The following PTK2B variants were observed in gnomAD, a reference collection of about 807,000 sequenced individuals.
PTK2B encodes the protein protein-tyrosine kinase 2-beta.
Under a neutral mutation model 142.9 loss-of-function variants are expected in PTK2B, and 71 were observed. The observed-to-expected ratio is 0.50, with a 90% CI of 0.41 to 0.61. The LOEUF (loss-of-function observed/expected upper bound fraction) is 0.61, where lower values mean the gene tolerates loss of function less well. PTK2B is among the 20% of genes least tolerant of loss of function. PTK2B has a pLI of 0.00. For missense variants in PTK2B, 1,105 were observed against 1,320.4 expected (o/e 0.84, Z 2.53); for synonymous variants, 519 against 503.4 (o/e 1.03, Z -0.42).
intron 2 of PTK2B, among the ~76,000 whole-genome samples, chr8:27,417,447 A>AGG (rs150952048): frequency 0.052 from 7,839 of 151,812 alleles, 245 homozygotes; most frequent in Middle Eastern, 0.099. Context: ...TGGGGCCATG[A>AGG]GGGTGGACTG....
intron 1 of PTK2B, among the ~76,000 whole-genome samples, chr8:27,392,678 C>A (rs201161661): frequency 1.3e-5 from 2 of 152,158 alleles, no homozygotes; most frequent in East Asian, 3.8e-4. Context: ...TATGTTCTCT[C>A]AAGAACCTGA....
intron 2 of PTK2B, among the ~76,000 whole-genome samples, chr8:27,398,342 A>G (rs1254617204): frequency 1.3e-5 from 2 of 152,162 alleles, no homozygotes; most frequent in African/African-American, 4.8e-5. Flanking sequence ...CAGAATCACA[A>G]CATCTGTTTT....
chr8:27,314,070 G>T (rs1803040903), intron 3 of PTK2B, among the ~76,000 whole-genome samples: 1 of 152,200 alleles, frequency 6.6e-6, no homozygotes, highest in African/African-American at 2.4e-5. Context: ...TACCTGGAAG[G>T]AAGAAATGCA....
chr8:27,334,215 G>A (rs1015788580), intron 1 of PTK2B, among the ~76,000 whole-genome samples: 4 of 151,804 alleles, frequency 2.6e-5, no homozygotes, highest in African/African-American at 9.7e-5. Context: ...CAAGAGCTTC[G>A]TCCTATCTCT....
chr8:27,325,354 CGGGGGAAT>C (rs1055640902), upstream of PTK2B: 3 of 152,170 alleles, frequency 2.0e-5, no homozygotes, highest in Non-Finnish European at 4.4e-5. Flanking sequence ...CATTTGCGGC[CGGGGGAAT>C]GGCAGAGATC....
intron 2 of PTK2B, among the ~76,000 whole-genome samples, chr8:27,403,709 G>T (rs1291910190): frequency 6.6e-6 from 1 of 152,070 alleles, no homozygotes; most frequent in African/African-American, 2.4e-5. Flanking sequence ...TGGCAGAGTG[G>T]CACCCAGACG....
At position 27,344,403 on chromosome 8, in the gene PTK2B, C is replaced by T. The variant is rs373790453; in HGVS notation, c.-38+18722C>T. Among the ~76,000 whole-genome samples the T allele has an allele frequency of 3.3e-5, 5 of 152,342 alleles. No individual in the cohort carries two copies. In the South Asian group the frequency reaches 6.2e-4, roughly 19 times the overall value. Reference sequence around the variant, plus strand: ...ATGTGACCTCAGCACCTTCTGACCCCTCCCATCCTCAGCTTTCCTGCATGC... The same window carrying T: ...ATGTGACCTCAGCACCTTCTGACCCTTCCCATCCTCAGCTTTCCTGCATGC... On this transcript the variant is annotated intron_variant, in intron 1 of 30. Coordinates refer to ENST00000346049, the MANE Select transcript of PTK2B (RefSeq NM_173176.3).
chr8:27,419,783 A>C (rs1457757917), intron 2 of PTK2B, 112 bp from the exon 3 acceptor site: 4 of 1,139,646 alleles, frequency 3.5e-6, no homozygotes, highest in Non-Finnish European at 5.0e-6. Flanking sequence ...GACAAATCGA[A>C]CATGAAGACA....
At chr8:27,395,676 C>T (rs1422241787) in intron 1 of PTK2B, among the ~76,000 whole-genome samples, 2 of 152,152 alleles carry the variant, frequency 1.3e-5, no homozygotes, top group East Asian at 3.9e-4. Context: ...ATAAATACCC[C>T]AGATCCCTCC....
chr8:27,338,753 G>A (rs1181768923), intron 1 of PTK2B, among the ~76,000 whole-genome samples: 1 of 152,214 alleles, frequency 6.6e-6, no homozygotes, highest in Middle Eastern at 3.2e-3. Flanking sequence ...GAAAGATTCT[G>A]TAAGGGCTTG....
chr8:27,339,507 A>G (rs1476010273), intron 1 of PTK2B, among the ~76,000 whole-genome samples: 2 of 152,150 alleles, frequency 1.3e-5, no homozygotes, highest in Non-Finnish European at 2.9e-5. Context: ...AGTTTGGGGT[A>G]AGAGAGAGAA....
intron 1 of PTK2B, among the ~76,000 whole-genome samples, chr8:27,334,625 G>C (rs181489560): frequency 1.3e-5 from 2 of 152,192 alleles, no homozygotes; most frequent in Admixed American, 1.3e-4. Context: ...TCCTTATACC[G>C]TCAAATTCCA....
intron 4 of PTK2B, among the ~76,000 whole-genome samples, chr8:27,421,047 C>T (rs1809715945): frequency 6.6e-6 from 1 of 152,208 alleles, no homozygotes; most frequent in Non-Finnish European, 1.5e-5. Context: ...TCCTGCAGTG[C>T]TTACTACACA....
chr8:27,396,509 G>T (rs1315643917), intron 1 of PTK2B, among the ~76,000 whole-genome samples: 2 of 152,190 alleles, frequency 1.3e-5, no homozygotes, highest in Admixed American at 1.3e-4. Context: ...AAAGTCCTGG[G>T]AAACGAATAT....
intron 3 of PTK2B, among the ~76,000 whole-genome samples, chr8:27,317,640 TTA>T (rs1288355952): frequency 2.6e-5 from 4 of 152,214 alleles, no homozygotes; most frequent in Non-Finnish European, 5.9e-5. Flanking sequence ...TCTGGCTTCA[TTA>T]AGCTTACTTT....
At chr8:27,453,619 C>A (rs1432036716) in intron 28 of PTK2B, among the ~76,000 whole-genome samples, 1 of 152,238 alleles carries the variant, frequency 6.6e-6, no homozygotes, top group Non-Finnish European at 1.5e-5. Flanking sequence ...GTGGCTCACA[C>A]CTGTAATCCC....
chr8:27,313,901 A>C (rs141444264), intron 3 of PTK2B, among the ~76,000 whole-genome samples: 3 of 152,306 alleles, frequency 2.0e-5, no homozygotes, highest in African/African-American at 7.2e-5. Flanking sequence ...CCATCAGGGA[A>C]TTGTCTCTCT....
At chr8:27,444,954 C>T (rs374197467) in intron 23 of PTK2B, among the ~76,000 whole-genome samples, 3 of 152,150 alleles carry the variant, frequency 2.0e-5, no homozygotes, top group African/African-American at 7.2e-5. Flanking sequence ...AAGGAAATGC[C>T]TGAGTGCCAA....
intron 1 of PTK2B, among the ~76,000 whole-genome samples, chr8:27,392,453 T>TA (rs1482840230): frequency 6.6e-6 from 1 of 152,196 alleles, no homozygotes; most frequent in East Asian, 1.9e-4. Context: ...CTTTATTGCT[T>TA]ACGAGGAACT....
Sources: gnomAD v4.1 joint callset for allele counts (sites outside exome capture counted in the v4.1 genomes callset) on GRCh38, gnomAD v4.1.1 for gene constraint, MANE v1.5 for transcripts, NCBI Gene and HGNC (gene_info 2026-07-23, HGNC 2026-07-21) for gene names.